Variants in COPE observed in about 807,000 individuals in gnomAD.
COPE encodes the protein coatomer subunit epsilon.
A neutral mutation model predicts 42.1 loss-of-function variants in COPE; 19 were observed. That is an observed-to-expected ratio of 0.45 (90% CI 0.31 to 0.66). COPE has a LOEUF of 0.66. Among genes scored for constraint, COPE ranks in the 30% least tolerant of loss-of-function variants. The pLI is 0.05. For missense variants in COPE, 402 were observed against 416.1 expected (o/e 0.97, Z 0.30); for synonymous variants, 195 against 181.3 (o/e 1.08, Z -0.60).
Position 18,903,574 on chromosome 19 carries a change from A to C in COPE, c.580-151T>G, listed in dbSNP as rs2056729964. 8.7e-6 allele frequency: 8 copies of C among 924,352 alleles called. No homozygotes were observed. In the South Asian group the frequency reaches 1.7e-4, roughly 19 times the overall value. The allele number at this position is 924,352 out of a possible 1,614,324, so 57.3% of individuals were successfully genotyped here. ...GCACAGCCACTCCGCCATGGGGACT[A>C]CCCGTAACTTGTACTCTGCTGATGG... is the stretch of plus-strand genomic sequence containing the variant. On this transcript the variant is annotated intron_variant, in intron 6 of 9. Coordinates refer to ENST00000262812, the MANE Select transcript of COPE (RefSeq NM_007263.4).
At chr19:18,909,572 G>A (rs2056792124) in intron 3 of COPE, among the ~76,000 whole-genome samples, 1 of 149,474 alleles carries the variant, frequency 6.7e-6, no homozygotes, top group Non-Finnish European at 1.5e-5. Flanking sequence ...AGGCTGGAGT[G>A]CACTAGTGCG....
At chr19:18,907,255 C>T (rs1394806851) in intron 3 of COPE, 143 bp from the exon 4 acceptor site, 3 of 863,234 alleles carry the variant, frequency 3.5e-6, no homozygotes, top group Non-Finnish European at 5.2e-6. Flanking sequence ...GAGCATCGAG[C>T]TGTCCCGACA....
intron 2 of COPE, among the ~76,000 whole-genome samples, chr19:18,912,303 T>C (rs945640279): frequency 6.6e-6 from 1 of 152,096 alleles, no homozygotes; most frequent in East Asian, 1.9e-4. Context: ...CATGCCACCA[T>C]GACTGTCTTA....
In COPE at chr19:18,910,268, C is replaced by G. The variant is rs74995267; in HGVS notation, c.290+703G>C. On this transcript the variant is annotated intron_variant, in intron 3 of 9. Transcript: ENST00000262812. ...CAGGACAGGCGTGGCCTCACCCACC[C>G]TCCCACTGGGCTCCAGGGGAGATAC... 2.0e-3 allele frequency among the ~76,000 whole-genome samples: 306 copies of G among 152,318 alleles called. 3 individuals are homozygous for G. Among genetic ancestry groups the G allele is most frequent in the African/African-American group, 6.9e-3 (285 of 41,566 alleles).
intron 8 of COPE, 54 bp from the exon 9 acceptor site, chr19:18,900,001 T>C: frequency 6.6e-7 from 1 of 1,521,964 alleles, no homozygotes; most frequent in Non-Finnish European, 9.0e-7. Flanking sequence ...CCACGGTGGC[T>C]CTGACCTGCT....
Position 18,899,899 on chromosome 19 carries a change from G to C in COPE, c.853C>G (p.Pro285Ala). ...SQLKDAHRSH[P>A]FIKEYQAKEN... ...TTGGCCTGGTACTCCTTGATGAAGG[G>C]ATGGGACCTGTGGGCATCCTTCAGC... is the stretch of plus-strand genomic sequence containing the variant. The change falls in exon 9 of 10, where the codon CCC (proline) becomes GCC (alanine). Residue 285 changes from proline to alanine, a missense_variant. By Grantham distance (27) the Pro-to-Ala change is conservative (BLOSUM62 -1). Coordinates refer to ENST00000262812, the MANE Select transcript of COPE (RefSeq NM_007263.4). The C allele has an allele frequency of 6.2e-7, 1 of 1,613,690 alleles. No individual in the cohort carries two copies. Among genetic ancestry groups the C allele is most frequent in the Non-Finnish European group, 8.5e-7 (1 of 1,179,828 alleles).
At chr19:18,910,313 A>G (rs1030875550) in intron 3 of COPE, among the ~76,000 whole-genome samples, 3 of 152,144 alleles carry the variant, frequency 2.0e-5, no homozygotes, top group African/African-American at 7.2e-5. Flanking sequence ...GCAGTCCCCA[A>G]CTAGCTGGGA....
chr19:18,905,967 T>G, intron 4 of COPE: 3 of 472,884 alleles, frequency 6.3e-6, no homozygotes, highest in Non-Finnish European at 3.7e-6. Flanking sequence ...AACAAGGCCC[T>G]AGAGGAGGGC....
chr19:18,910,913 C>T, intron 3 of COPE, 58 bp downstream of exon 3: 1 of 1,499,498 alleles, frequency 6.7e-7, no homozygotes, highest in South Asian at 1.1e-5. Flanking sequence ...AGGTTCATAA[C>T]CAACAGGCCT....
chr19:18,903,241 C>T (rs1427175723), intron 7 of COPE, 27 bp downstream of exon 7: 1 of 1,541,346 alleles, frequency 6.5e-7, no homozygotes, highest in Non-Finnish European at 8.7e-7. Context: ...TCCCTCCGTC[C>T]CCACTCTGGG....
At chr19:18,902,756 G>GAAAGGAAGGAAAGGAAGGA (rs755506365) in intron 7 of COPE, among the ~76,000 whole-genome samples, 8 of 44,358 alleles carry the variant, frequency 1.8e-4, no homozygotes, top group South Asian at 5.1e-4. Flanking sequence ...GGAAAGGAAG[G>GAAAGGAAGGAAAGGAAGGA]AAGGAAGGAA....
At chr19:18,916,940 G>A (rs1446266593) in intron 1 of COPE, among the ~76,000 whole-genome samples, 2 of 90,236 alleles carry the variant, frequency 2.2e-5, no homozygotes, top group Non-Finnish European at 4.2e-5. Context: ...GTGAGATCCT[G>A]TCTCAAAAAA....
At chr19:18,918,888 A>C (rs1263463049) in intron 1 of COPE, among the ~76,000 whole-genome samples, 1 of 152,202 alleles carries the variant, frequency 6.6e-6, no homozygotes, top group Non-Finnish European at 1.5e-5. Flanking sequence ...TCATCCGTAA[A>C]ATGAGGATAA....
chr19:18,902,782 AAGG>A (rs1483253005), intron 7 of COPE, among the ~76,000 whole-genome samples: 2,319 of 55,766 alleles, frequency 0.042, 421 homozygotes, highest in African/African-American at 0.077. Flanking sequence ...AGAAGGAAGG[AAGG>A]AAGGAAGGAA....
intron 4 of COPE, 149 bp downstream of exon 4, chr19:18,906,811 C>G: frequency 1.1e-6 from 1 of 926,780 alleles, no homozygotes; most frequent in South Asian, 1.8e-5. Flanking sequence ...GGCAGGGGAG[C>G]TGGAGCCTGG....
At chr19:18,905,490 C>T (rs2056749514) in intron 5 of COPE, 86 bp downstream of exon 5, 1 of 1,342,264 alleles carries the variant, frequency 7.5e-7, no homozygotes, top group South Asian at 1.4e-5. Flanking sequence ...AATGACAGCA[C>T]CACAGACGCT....
In COPE at chr19:18,919,301, T is replaced by A. The variant is rs377199668; in HGVS notation, c.48A>T (p.Val16=). The A allele has an allele frequency of 1.2e-6, 2 of 1,613,836 alleles. No homozygotes were observed. Among genetic ancestry groups the A allele is most frequent in the Non-Finnish European group, 1.7e-6 (2 of 1,179,990 alleles). Residue 16 remains valine, a synonymous_variant, in exon 1 of 10, where the codon GTA becomes GTT. Coordinates refer to ENST00000262812, the MANE Select transcript of COPE (RefSeq NM_007263.4). ...CGTTCTTTACGTCGAACAGCTCGTC[T>A]ACCTCCCCGGAGCCGCCGGAGGCCG... ...PGPASGGSGE[V]DELFDVKNAF...
At chr19:18,912,864 C>A in intron 2 of COPE, 120 bp downstream of exon 2, 1 of 921,280 alleles carries the variant, frequency 1.1e-6, no homozygotes, top group Non-Finnish European at 1.7e-6. Flanking sequence ...CTGAACACTG[C>A]AGGCCTGGGT....
rs777361082 is a variant in COPE at position 18,899,700 on chromosome 19, T to C, written c.906A>G (p.Leu302=). The change falls in exon 10 of 10, where the codon CTA becomes CTG. Residue 302 remains leucine, a synonymous_variant. Coordinates refer to ENST00000262812, the MANE Select transcript of COPE (RefSeq NM_007263.4). ...AGCCTCAGGCGCTGGGAGCGTACTG[T>C]AGCACCAGCCTGTCAAAGTCGTTCT... The part of the protein sequence containing the change: ...AKENDFDRLV[L]QYAPSA 1.2e-6 allele frequency: 2 copies of C among 1,613,602 alleles called. No individual in the cohort carries two copies. The highest frequency in any genetic ancestry group is 1.7e-6 in the Non-Finnish European group (2 of 1,179,970).
Sources: allele counts gnomAD v4.1 joint callset (sites outside exome capture counted in the v4.1 genomes callset), GRCh38; gene constraint gnomAD v4.1.1; transcripts MANE v1.5; gene names NCBI Gene and HGNC (gene_info 2026-07-23, HGNC 2026-07-21).